PLEKHG1: variants seen among roughly 807,000 people sequenced by gnomAD.
PLEKHG1 encodes the protein pleckstrin homology domain-containing family G member 1.
Under a neutral mutation model 100.8 loss-of-function variants are expected in PLEKHG1, and 44 were observed. The observed-to-expected ratio is 0.44, with a 90% confidence interval of 0.34 to 0.56. The LOEUF is 0.56. Ranked by LOEUF, PLEKHG1 falls within the 20% of genes least tolerant of loss-of-function variation. The pLI, the probability that PLEKHG1 is intolerant of heterozygous loss-of-function variation, is 0.01. For missense variants in PLEKHG1, 1,545 were observed against 1,720.9 expected, an observed-to-expected ratio of 0.90 and a Z score of 1.81; for synonymous variants, 640 against 662.5, an observed-to-expected ratio of 0.97 and a Z score of 0.52.
chr6:150,819,438 G>A (rs991074081), intron 11 of PLEKHG1, among the ~76,000 whole-genome samples: 31 of 151,956 alleles, frequency 2.0e-4, no homozygotes, highest in Admixed American at 1.3e-3. Flanking sequence ...GGTGGCACGC[G>A]CCTGTAGTCT....
intron 3 of PLEKHG1, among the ~76,000 whole-genome samples, chr6:150,652,653 G>T (rs1279887874): frequency 6.6e-6 from 1 of 151,300 alleles, no homozygotes; most frequent in Non-Finnish European, 1.5e-5. Flanking sequence ...CCGGGAGGCA[G>T]AGGTTGCAGT....
chr6:150,763,024 CTTT>C lies in PLEKHG1; in HGVS notation c.412-5596_412-5594del, dbSNP rs60462437. 7.8e-5 allele frequency among the ~76,000 whole-genome samples: 6 copies of C among 76,530 alleles called. 1 individual carries two copies. Among genetic ancestry groups the C allele is most frequent in the Admixed American group, 5.9e-4 (3 of 5,070 alleles). The allele number at this position is 76,530 out of a possible 152,430, so 50.2% of individuals were successfully genotyped here. On this transcript the variant is annotated intron_variant, in intron 2 of 15. Coordinates refer to ENST00000358517, the Ensembl canonical transcript of PLEKHG1. The stretch of plus-strand genomic sequence containing the variant: ...AGCACCAACAGGAGGGATAAAGCTT[CTTT>C]TTTTTTTTTTTTTTTTTGAGACGGA...
intron 14 of PLEKHG1, 93 bp from the exon 16 acceptor site, chr6:150,830,489 G>T: frequency 1.2e-6 from 1 of 855,336 alleles, no homozygotes; most frequent in Non-Finnish European, 1.8e-6. Context: ...AAGCCTAGTG[G>T]GGGAGGCAGT....
At chr6:150,629,657 C>T (rs1040347132) in intron 1 of PLEKHG1, among the ~76,000 whole-genome samples, 1 of 152,158 alleles carries the variant, frequency 6.6e-6, no homozygotes, top group Non-Finnish European at 1.5e-5. Context: ...GAGGAGGTTT[C>T]ACCATATTGG....
intron 1 of PLEKHG1, among the ~76,000 whole-genome samples, chr6:150,604,931 C>G (rs1251586362): frequency 6.6e-6 from 1 of 152,190 alleles, no homozygotes; most frequent in Non-Finnish European, 1.5e-5. Context: ...CTCCTGATAC[C>G]TCTTCATGTA....
intron 1 of PLEKHG1, 149 bp from the exon 3 acceptor site, chr6:150,733,435 C>T: frequency 1.6e-6 from 1 of 610,828 alleles, no homozygotes; most frequent in Non-Finnish European, 2.7e-6. Context: ...TTTTGCATCT[C>T]ACTCCACCAC....
chr6:150,815,993 G>A (rs1322576522), intron 10 of PLEKHG1, among the ~76,000 whole-genome samples: 1 of 152,098 alleles, frequency 6.6e-6, no homozygotes, highest in Non-Finnish European at 1.5e-5. Flanking sequence ...CGTTTATTGT[G>A]CACTTTATTT....
rs1787350949 is a variant in PLEKHG1 at position 150,809,371 on chromosome 6, T to C, written c.1096-10T>C. On this transcript the variant is annotated splice_polypyrimidine_tract_variant and intron_variant, in intron 8 of 15. Transcript: ENST00000358517. The stretch of plus-strand genomic sequence containing the variant: ...AGTGTGCCTCACCCTCTCTGCTCTC[T>C]CTGCTCTAGTGTGGCAACCTCATGC... 1.2e-6 allele frequency: 2 copies of C among 1,613,300 alleles called. No individual in the cohort carries two copies. Among genetic ancestry groups the C allele is most frequent in the Non-Finnish European group, 1.7e-6 (2 of 1,179,624 alleles).
rs71554482 is a variant in PLEKHG1 at position 150,779,344 on chromosome 6, G to GTT, written c.513-7028_513-7027dup. Among the ~76,000 whole-genome samples the GTT allele has an allele frequency of 6.1e-4, 64 of 104,512 alleles. 1 individual carries two copies. Among genetic ancestry groups the GTT allele is most frequent in the South Asian group, 1.0e-3 (3 of 2,980 alleles). 68.6% of individuals were successfully genotyped at this position (104,512 alleles called of 152,430 possible). ...ACAGGGGGTTAAATATTGTCAAGAA[G>GTT]TTTTTTTTTTTTTTTTTTTGAGACA... On this transcript the variant is annotated intron_variant, in intron 3 of 15. Coordinates refer to ENST00000358517, the Ensembl canonical transcript of PLEKHG1.
chr6:150,685,226 C>G (rs1022943733), intron 3 of PLEKHG1, among the ~76,000 whole-genome samples: 1 of 152,094 alleles, frequency 6.6e-6, no homozygotes, highest in Non-Finnish European at 1.5e-5. Context: ...GATGCCACCC[C>G]ACTCCCACAG....
chr6:150,705,764 C>T (rs952136444), intron 3 of PLEKHG1, among the ~76,000 whole-genome samples: 5 of 152,186 alleles, frequency 3.3e-5, no homozygotes, highest in African/African-American at 9.7e-5. Flanking sequence ...GTATCAGAGG[C>T]GATTCTTCTT....
chr6:150,805,162 C>T (rs1432791961), intron 7 of PLEKHG1, among the ~76,000 whole-genome samples: 1 of 151,726 alleles, frequency 6.6e-6, no homozygotes, highest in African/African-American at 2.4e-5. Context: ...CTCGAACTCC[C>T]GACCTCAGGT....
intron 2 of PLEKHG1, among the ~76,000 whole-genome samples, chr6:150,736,213 A>G (rs1782551177): frequency 6.6e-6 from 1 of 152,220 alleles, no homozygotes; most frequent in African/African-American, 2.4e-5. Context: ...CAACGGCCAC[A>G]GTTTGCTCAC....
intron 1 of PLEKHG1, among the ~76,000 whole-genome samples, chr6:150,634,912 T>C (rs1281660311): frequency 6.6e-6 from 1 of 152,374 alleles, no homozygotes; most frequent in East Asian, 1.9e-4. Flanking sequence ...TACAGGATGT[T>C]ATTCTTCCAA....
intron 1 of PLEKHG1, among the ~76,000 whole-genome samples, chr6:150,606,094 T>C (rs1232945339): frequency 6.6e-6 from 1 of 152,266 alleles, no homozygotes; most frequent in African/African-American, 2.4e-5. Flanking sequence ...TATGATCTAA[T>C]GTATTTTTAA....
intron 2 of PLEKHG1, among the ~76,000 whole-genome samples, chr6:150,747,250 C>A (rs749377782): frequency 3.3e-5 from 5 of 152,168 alleles, no homozygotes; most frequent in Non-Finnish European, 7.3e-5. Context: ...GGAGAAGTTT[C>A]CCATGGCCAG....
Position 150,643,894 on chromosome 6 carries a change from C to T in PLEKHG1, c.-158+5769C>T, listed in dbSNP as rs1778373398. ...GGATTTTTTCCCCCTAAGTGATTGA[C>T]ACCCACTTTTTTTTTTTTCAAAAGA... On this transcript the variant is annotated intron_variant, in intron 2 of 3. Coordinates refer to the PLEKHG1 transcript ENST00000367326. Among the ~76,000 whole-genome samples, 3 of 151,626 alleles carry T rather than the reference C, an allele frequency of 2.0e-5. No homozygotes were observed. The South Asian group carries it at 6.2e-4, about 32-fold the overall frequency.
chr6:150,717,336 G>C (rs1470415162), upstream of PLEKHG1, among the ~76,000 whole-genome samples: 8 of 151,932 alleles, frequency 5.3e-5, no homozygotes, highest in African/African-American at 1.4e-4. Context: ...CACCACACCT[G>C]GCCTAAATTT....
chr6:150,668,872 A>T (rs1779490897), intron 3 of PLEKHG1, among the ~76,000 whole-genome samples: 1 of 152,218 alleles, frequency 6.6e-6, no homozygotes, highest in African/African-American at 2.4e-5. Flanking sequence ...GTAATACAAA[A>T]CAAGATTTGT....
Sources: allele counts gnomAD v4.1 joint callset (sites outside exome capture counted in the v4.1 genomes callset), GRCh38; gene constraint gnomAD v4.1.1; transcripts MANE v1.5; gene names NCBI Gene and HGNC (gene_info 2026-07-23, HGNC 2026-07-21).